The following MPPED1 variants were observed in gnomAD, a reference collection of about 807,000 sequenced individuals.
MPPED1 encodes the protein metallophosphoesterase domain-containing protein 1.
In MPPED1, 16 loss-of-function variants were observed where a neutral mutation model predicts 36.2. That is an observed-to-expected ratio of 0.44 (90% CI 0.30 to 0.67). The LOEUF is 0.67. Ranked by LOEUF, MPPED1 falls within the 30% of genes least tolerant of loss-of-function variation. The pLI is 0.10. For missense variants in MPPED1, 307 were observed against 453.4 expected (o/e 0.68, Z 2.93); for synonymous variants, 199 against 191.3 (o/e 1.04, Z -0.33).
chr22:43,448,865 C>G (rs2146851346), intron 3 of MPPED1, among the ~76,000 whole-genome samples: 1 of 152,232 alleles, frequency 6.6e-6, no homozygotes, highest in South Asian at 2.1e-4. Context: ...TCCCGAAGTG[C>G]TGGGATTACA....
chr22:43,424,539 A>G lies in MPPED1; in HGVS notation c.-78-369A>G, dbSNP rs552287032. 2.0e-5 allele frequency among the ~76,000 whole-genome samples: 3 copies of G among 152,244 alleles called. No individual in the cohort carries two copies. The East Asian group carries it at 5.8e-4, about 29-fold the overall frequency. ...AGTAAAACTTAACTCACCTGTTTACAAAATACCAGCCATTGTCTTACCCCA... is the reference window on the plus strand; with the variant it reads ...AGTAAAACTTAACTCACCTGTTTACGAAATACCAGCCATTGTCTTACCCCA... On this transcript the variant is annotated intron_variant, in intron 1 of 6. Coordinates refer to ENST00000443721, the MANE Select transcript of MPPED1 (RefSeq NM_001044370.2).
intron 5 of MPPED1, among the ~76,000 whole-genome samples, chr22:43,500,248 T>G: frequency 9.9e-6 from 1 of 100,758 alleles, no homozygotes; most frequent in African/African-American, 4.6e-5. Context: ...GAGGTGGCAG[T>G]GATGATGGTG....
intron 1 of MPPED1, among the ~76,000 whole-genome samples, chr22:43,423,408 C>G (rs1929346975): frequency 6.6e-6 from 1 of 152,158 alleles, no homozygotes; most frequent in South Asian, 2.1e-4. Context: ...GCAGGGAGAG[C>G]CAATTCACTT....
chr22:43,500,194 A>AGGTGGTGGT (rs1569091692), intron 5 of MPPED1, among the ~76,000 whole-genome samples: 1 of 14,164 alleles, frequency 7.1e-5, no homozygotes, highest in Non-Finnish European at 1.1e-4. Context: ...ATGGTGATGG[A>AGGTGGTGGT]GGTGGTAATG....
At chr22:43,473,340 T>C (rs937354559) in intron 3 of MPPED1, among the ~76,000 whole-genome samples, 3 of 152,164 alleles carry the variant, frequency 2.0e-5, no homozygotes, top group Admixed American at 2.0e-4. Context: ...ATGAAGGTCA[T>C]GGTCTTCCAG....
intron 2 of MPPED1, among the ~76,000 whole-genome samples, chr22:43,433,484 AG>A (rs2146832182): frequency 6.6e-6 from 1 of 151,086 alleles, no homozygotes; most frequent in African/African-American, 2.4e-5. Flanking sequence ...GAAGAGGAAA[AG>A]CTCCTAGCAC....
At chr22:43,448,658 A>G (rs1327314191) in intron 3 of MPPED1, among the ~76,000 whole-genome samples, 1 of 151,904 alleles carries the variant, frequency 6.6e-6, no homozygotes, top group Admixed American at 6.5e-5. Flanking sequence ...GCTGGAGTGC[A>G]GTGGCATGAT....
At chr22:43,467,046 C>T (rs1374585335) in intron 3 of MPPED1, among the ~76,000 whole-genome samples, 1 of 152,194 alleles carries the variant, frequency 6.6e-6, no homozygotes, top group African/African-American at 2.4e-5. Flanking sequence ...GTGGGGCTCA[C>T]GTGTCTTCAT....
chr22:43,464,885 C>A (rs1014773890), intron 3 of MPPED1, among the ~76,000 whole-genome samples: 2 of 152,178 alleles, frequency 1.3e-5, no homozygotes, highest in Non-Finnish European at 2.9e-5. Flanking sequence ...TCCTTTATTG[C>A]TGATTTCATG....
In MPPED1 at chr22:43,505,793, C is replaced by G. The variant is rs975055096; in HGVS notation, c.*177C>G. The G allele has an allele frequency of 8.5e-6, 5 of 588,100 alleles. No homozygotes were observed. In the African/African-American group the frequency reaches 9.3e-5, roughly 11 times the overall value. The allele number at this position is 588,100 out of a possible 1,614,324, so 36.4% of individuals were successfully genotyped here. A position where few individuals can be genotyped will look rare whatever the true frequency, so the allele number is the denominator to read the frequency against. Reference sequence around the variant, plus strand: ...CCTTCTGTCACCTGGAGTTGGGACCCTGCGCATCCCCATCAGGGGTTCTGT... The same window carrying G: ...CCTTCTGTCACCTGGAGTTGGGACCGTGCGCATCCCCATCAGGGGTTCTGT... On this transcript the variant is annotated 3_prime_UTR_variant, in exon 7 of 7. Transcript: ENST00000443721.
rs115888844 is a variant in MPPED1, at chr22:43,422,869, A to G, written c.-78-2039A>G. 5.5e-3 allele frequency among the ~76,000 whole-genome samples: 828 copies of G among 151,874 alleles called. 14 individuals are homozygous for G. Among genetic ancestry groups the G allele is most frequent in the African/African-American group, 0.019 (791 of 41,410 alleles). ...AAATCTTTTCTTTCTTTTTTTTGAG[A>G]TAGAGTCTCAAGGCTGGAGTGCAGT... is the stretch of plus-strand genomic sequence containing the variant. On this transcript the variant is annotated intron_variant, in intron 1 of 6. Coordinates refer to ENST00000443721, the MANE Select transcript of MPPED1 (RefSeq NM_001044370.2).
chr22:43,471,802 C>G (rs1931386573), intron 3 of MPPED1, among the ~76,000 whole-genome samples: 2 of 152,218 alleles, frequency 1.3e-5, no homozygotes, highest in Non-Finnish European at 2.9e-5. Flanking sequence ...AGCAAACACG[C>G]CTGCATCCAT....
rs900896631 is a variant in MPPED1 at position 43,507,258 on chromosome 22, T to C, written c.*1642T>C. The stretch of plus-strand genomic sequence containing the variant: ...ATGCATGGTCCAAGGCTCTTTTTAT[T>C]GTATTTTTATTTTTAAGGGTCCTGT... On this transcript the variant is annotated 3_prime_UTR_variant, in exon 7 of 7. Transcript: ENST00000443721. 4 of 152,228 alleles carry C rather than the reference T, an allele frequency of 2.6e-5. No individual in the cohort carries two copies. Among genetic ancestry groups the C allele is most frequent in the African/African-American group, 9.7e-5 (4 of 41,450 alleles). The allele number at this position is 152,228 out of a possible 1,614,324, so 9.4% of individuals were successfully genotyped here.
chr22:43,442,855 G>A (rs1457429255), intron 3 of MPPED1, among the ~76,000 whole-genome samples: 1 of 152,168 alleles, frequency 6.6e-6, no homozygotes, highest in Non-Finnish European at 1.5e-5. Flanking sequence ...ACCTCCCAGT[G>A]TCAGAGCCCC....
At chr22:43,464,054 G>T (rs1488553207) in intron 3 of MPPED1, among the ~76,000 whole-genome samples, 1 of 151,690 alleles carries the variant, frequency 6.6e-6, no homozygotes. Context: ...GTTTATAGGC[G>T]CCCGCCACCA....
chr22:43,436,045 C>T (rs187557281), intron 3 of MPPED1, among the ~76,000 whole-genome samples: 1 of 152,196 alleles, frequency 6.6e-6, no homozygotes, highest in South Asian at 2.1e-4. Flanking sequence ...AGAGCCCTTT[C>T]CCATGCACTG....
In MPPED1 at chr22:43,447,883, A is replaced by ATATATATATATATATATT. The variant is rs1321289636; in HGVS notation, c.406+12669_406+12670insATATATATATATATATTT. Among the ~76,000 whole-genome samples, 512 of 67,620 alleles carry ATATATATATATATATATT rather than the reference A, an allele frequency of 7.6e-3. 4 individuals carry two copies. The highest frequency in any genetic ancestry group is 0.011 in the Non-Finnish European group (435 of 37,944). 44.4% of individuals were successfully genotyped at this position (67,620 alleles called of 152,430 possible). A position where few individuals can be genotyped will look rare whatever the true frequency, so the allele number is the denominator to read the frequency against. On this transcript the variant is annotated intron_variant, in intron 3 of 6. Transcript: ENST00000443721. ...ATTATATATATATATATATATATAT[A>ATATATATATATATATATT]TTTTTTTTTTTTTTAGACAAAGTCT...
intron 4 of MPPED1, among the ~76,000 whole-genome samples, chr22:43,495,560 G>A (rs1480307653): frequency 9.2e-5 from 11 of 120,154 alleles, no homozygotes; most frequent in African/African-American, 1.1e-4. Context: ...GGAGATGGTG[G>A]TGGTGGAGGT....
At chr22:43,414,779 C>T (rs1284432408) in intron 1 of MPPED1, among the ~76,000 whole-genome samples, 1 of 152,184 alleles carries the variant, frequency 6.6e-6, no homozygotes, top group Non-Finnish European at 1.5e-5. Context: ...TTCCCCCTTT[C>T]CATTCTTCTT....
Sources: allele counts gnomAD v4.1 joint callset (sites outside exome capture counted in the v4.1 genomes callset), GRCh38; gene constraint gnomAD v4.1.1; transcripts MANE v1.5; gene names NCBI Gene and HGNC (gene_info 2026-07-23, HGNC 2026-07-21).